Variants in CTNNA2 observed in about 807,000 individuals in gnomAD.
CTNNA2 encodes catenin alpha-2.
Under a neutral mutation model 101.0 loss-of-function variants are expected in CTNNA2, and 42 were observed. The ratio of observed to expected loss-of-function variants is 0.42; its 90% CI spans 0.32 to 0.54. The LOEUF (loss-of-function observed/expected upper bound fraction) is 0.54. Among genes scored for constraint, CTNNA2 ranks in the 20% least tolerant of loss-of-function variants. The pLI, the probability that CTNNA2 is intolerant of heterozygous loss-of-function variation, is 0.14. For missense variants in CTNNA2, 871 were observed against 1,223.1 expected (o/e 0.71, Z 4.29); for synonymous variants, 450 against 456.4 (o/e 0.99, Z 0.18).
intron 3 of CTNNA2, among the ~76,000 whole-genome samples, chr2:79,818,344 GCT>G (rs1308709266): frequency 2.0e-5 from 3 of 151,682 alleles, no homozygotes; most frequent in African/African-American, 7.3e-5. Context: ...ACGGAGTTTC[GCT>G]CTTTTACCCA....
At chr2:80,510,781 A>T (rs1346056401) in intron 9 of CTNNA2, among the ~76,000 whole-genome samples, 2 of 152,204 alleles carry the variant, frequency 1.3e-5, no homozygotes, top group Non-Finnish European at 2.9e-5. Context: ...TTATAAAATA[A>T]AACAGTAGAA....
chr2:80,123,824 A>G (rs1049553505), intron 7 of CTNNA2, among the ~76,000 whole-genome samples: 5 of 152,098 alleles, frequency 3.3e-5, no homozygotes, highest in Non-Finnish European at 7.3e-5. Flanking sequence ...CACAGGTCCT[A>G]TGGCAATATG....
chr2:80,125,299 T>A (rs1289285110), intron 7 of CTNNA2, among the ~76,000 whole-genome samples: 1 of 152,132 alleles, frequency 6.6e-6, no homozygotes, highest in Non-Finnish European at 1.5e-5. Context: ...CATTGCTGGC[T>A]CCACTGCACC....
chr2:80,075,043 G>GTTTTTTTTC (rs1553443931), intron 7 of CTNNA2, among the ~76,000 whole-genome samples: 1 of 151,662 alleles, frequency 6.6e-6, no homozygotes, highest in Non-Finnish European at 1.5e-5. Context: ...TTCCCTTACT[G>GTTTTTTTTC]TTTTTTTTCT....
At chr2:79,700,153 A>C (rs1187856309) in intron 2 of CTNNA2, among the ~76,000 whole-genome samples, 4 of 152,048 alleles carry the variant, frequency 2.6e-5, no homozygotes, top group African/African-American at 9.7e-5. Context: ...GCAATTAACT[A>C]ATCTTGCTAG....
intron 3 of CTNNA2, among the ~76,000 whole-genome samples, chr2:79,348,736 T>C (rs1208911545): frequency 6.6e-6 from 1 of 152,234 alleles, no homozygotes; most frequent in Non-Finnish European, 1.5e-5. Flanking sequence ...ATGAATACTA[T>C]GAAAATGATT....
At chr2:80,148,405 A>G (rs1573224935) in intron 7 of CTNNA2, among the ~76,000 whole-genome samples, 1 of 152,380 alleles carries the variant, frequency 6.6e-6, no homozygotes, top group East Asian at 1.9e-4. Flanking sequence ...TACAAAGGCT[A>G]AATGATCACT....
At chr2:79,861,596 AACACATAGGT>A (rs1681629845) in intron 4 of CTNNA2, among the ~76,000 whole-genome samples, 1 of 152,208 alleles carries the variant, frequency 6.6e-6, no homozygotes, top group Admixed American at 6.5e-5. Flanking sequence ...CTTCTCAGAT[AACACATAGGT>A]ATCTTAGTTG....
intron 9 of CTNNA2, among the ~76,000 whole-genome samples, chr2:80,463,477 T>C (rs1559131081): frequency 2.6e-5 from 4 of 152,162 alleles, no homozygotes. Context: ...TCGGCTCTGG[T>C]TAAATCTTAT....
chr2:80,243,418 C>T (rs143645605), intron 7 of CTNNA2, among the ~76,000 whole-genome samples: 2 of 151,966 alleles, frequency 1.3e-5, no homozygotes, highest in African/African-American at 4.8e-5. Flanking sequence ...GCTATTTGCA[C>T]CCCCTTCACA....
chr2:79,569,692 C>T (rs1049877960), intron 1 of CTNNA2, among the ~76,000 whole-genome samples: 2 of 152,134 alleles, frequency 1.3e-5, no homozygotes, highest in Non-Finnish European at 2.9e-5. Flanking sequence ...AACTCTATTT[C>T]CCCATTTAAT....
intron 9 of CTNNA2, among the ~76,000 whole-genome samples, chr2:80,452,202 A>C (rs922005757): frequency 6.6e-6 from 1 of 151,882 alleles, no homozygotes; most frequent in East Asian, 1.9e-4. Flanking sequence ...TACATAATGC[A>C]ATCAGGATTC....
intron 7 of CTNNA2, among the ~76,000 whole-genome samples, chr2:80,358,022 G>T (rs1350279642): frequency 3.9e-5 from 6 of 152,104 alleles, no homozygotes; most frequent in Non-Finnish European, 5.9e-5. Flanking sequence ...AGGCTCTGTG[G>T]GGGCAGACAC....
At chr2:79,264,423 T>A (rs1302260234) in intron 2 of CTNNA2, among the ~76,000 whole-genome samples, 1 of 151,994 alleles carries the variant, frequency 6.6e-6, no homozygotes, top group Non-Finnish European at 1.5e-5. Context: ...CTAATTTTTT[T>A]ATAAAAAGTT....
intron 7 of CTNNA2, among the ~76,000 whole-genome samples, chr2:80,117,891 C>T (rs950905197): frequency 3.2e-4 from 49 of 152,154 alleles, no homozygotes; most frequent in African/African-American, 1.1e-3. Context: ...GTATTACCAT[C>T]ATTTTATATA....
intron 9 of CTNNA2, among the ~76,000 whole-genome samples, chr2:80,531,681 G>A (rs1180817299): frequency 6.6e-6 from 1 of 152,026 alleles, no homozygotes; most frequent in African/African-American, 2.4e-5. Flanking sequence ...TTGTTTTCTG[G>A]CCCCAGAACT....
At chr2:79,958,648 A>C (rs1417672601) in intron 7 of CTNNA2, among the ~76,000 whole-genome samples, 1 of 152,212 alleles carries the variant, frequency 6.6e-6, no homozygotes, top group Non-Finnish European at 1.5e-5. Context: ...AGTGAGACCC[A>C]TGTCTTATAG....
At chr2:80,069,997 T>G (rs996982642) in intron 7 of CTNNA2, among the ~76,000 whole-genome samples, 12 of 152,182 alleles carry the variant, frequency 7.9e-5, no homozygotes, top group Admixed American at 3.3e-4. Context: ...AACTAAGAGA[T>G]CTTCTATATT....
chr2:79,327,936 A>G lies in CTNNA2; in HGVS notation c.-318+15140A>G, dbSNP rs185948390. Among the ~76,000 whole-genome samples the G allele has an allele frequency of 2.9e-3, 438 of 152,184 alleles. 3 individuals carry two copies. Among genetic ancestry groups the G allele is most frequent in the Non-Finnish European group, 4.8e-3 (326 of 68,000 alleles). On this transcript the variant is annotated intron_variant, in intron 3 of 21. Coordinates refer to the CTNNA2 transcript ENST00000466387. ...GTAGGCAAAGGTAGGGTGTGGAGGA[A>G]TGAGTCTATGTCACAAAGATGCCCT...
Sources: gnomAD v4.1 joint callset for allele counts (sites outside exome capture counted in the v4.1 genomes callset) on GRCh38, gnomAD v4.1.1 for gene constraint, MANE v1.5 for transcripts, NCBI Gene and HGNC (gene_info 2026-07-23, HGNC 2026-07-21) for gene names.